LRRC69: variants seen among roughly 807,000 people sequenced by gnomAD.
LRRC69 encodes leucine-rich repeat-containing protein 69.
Under a neutral mutation model 37.8 loss-of-function variants are expected in LRRC69, and 42 were observed. The ratio of observed to expected loss-of-function variants is 1.11; its 90% CI spans 0.87 to 1.44. The LOEUF (loss-of-function observed/expected upper bound fraction) is 1.44. LRRC69 is among the 40% of genes most tolerant of loss of function. The pLI is 0.00. For missense variants in LRRC69, 357 were observed against 401.9 expected, an observed-to-expected ratio of 0.89 and a Z score of 0.96; for synonymous variants, 141 against 143.1, an observed-to-expected ratio of 0.99 and a Z score of 0.11.
intron 5 of LRRC69, among the ~76,000 whole-genome samples, chr8:91,155,169 G>C (rs555114842): frequency 1.1e-4 from 16 of 151,422 alleles, no homozygotes; most frequent in South Asian, 1.0e-3. Flanking sequence ...GCTAACAAAG[G>C]ATGTGAAGGA....
chr8:91,201,101 T>G (rs148724190), intron 7 of LRRC69, among the ~76,000 whole-genome samples: 6 of 152,344 alleles, frequency 3.9e-5, no homozygotes, highest in African/African-American at 1.4e-4. Context: ...AACTAAATTC[T>G]TCTCAGAAGA....
At chr8:91,102,657 A>G, upstream of LRRC69, 1 of 1,544,234 alleles carries the variant, frequency 6.5e-7, no homozygotes, top group South Asian at 1.2e-5. Context: ...TTCTTTTCCA[A>G]GATCATGACT....
intron 1 of LRRC69, among the ~76,000 whole-genome samples, chr8:91,114,124 A>T (rs1813463651): frequency 6.6e-6 from 1 of 151,948 alleles, no homozygotes; most frequent in Non-Finnish European, 1.5e-5. Context: ...ATTATTTTAC[A>T]CATGTTAGAA....
chr8:91,163,857 C>T (rs963903899), intron 5 of LRRC69, among the ~76,000 whole-genome samples: 8 of 151,304 alleles, frequency 5.3e-5, no homozygotes, highest in South Asian at 2.1e-4. Context: ...TTATTGGCCA[C>T]ACTTTTCATA....
chr8:91,157,531 G>C, intron 5 of LRRC69: 1 of 1,532,254 alleles, frequency 6.5e-7, no homozygotes. Flanking sequence ...GTTTCCTATA[G>C]TATTTAATGA....
At chr8:91,138,551 AT>A (rs34842999) in intron 5 of LRRC69, among the ~76,000 whole-genome samples, 2,802 of 145,606 alleles carry the variant, frequency 0.019, 43 homozygotes, top group East Asian at 0.074. Flanking sequence ...TCAGAGCAGT[AT>A]TTTTTTTTTT....
At chr8:91,104,153 A>G (rs1813267619) in intron 1 of LRRC69, among the ~76,000 whole-genome samples, 1 of 151,990 alleles carries the variant, frequency 6.6e-6, no homozygotes, top group Non-Finnish European at 1.5e-5. Flanking sequence ...GATTAGGTCT[A>G]CAGGTATCTT....
intron 6 of LRRC69, among the ~76,000 whole-genome samples, chr8:91,193,327 G>A (rs1358154315): frequency 4.2e-5 from 6 of 143,870 alleles, no homozygotes; most frequent in African/African-American, 1.6e-4. Flanking sequence ...ACTTGGCCAT[G>A]CGGGCTCTTT....
intron 6 of LRRC69, among the ~76,000 whole-genome samples, chr8:91,195,260 C>A (rs1809575524): frequency 6.6e-6 from 1 of 151,890 alleles, no homozygotes; most frequent in Non-Finnish European, 1.5e-5. Context: ...AGCTTTACTT[C>A]CAAGTGTGTG....
In LRRC69 at chr8:91,107,987, G is replaced by C. The variant is rs116998479; in HGVS notation, c.183+5143G>C. 3.9e-4 allele frequency among the ~76,000 whole-genome samples: 59 copies of C among 152,096 alleles called. 2 individuals carry two copies. In the East Asian group the frequency reaches 8.5e-3, roughly 22 times the overall value. ...CAAAGTCCTGCCTAACCAAACACAC[G>C]TAGGAACAAAGGTTCCTCACAGGTA... On this transcript the variant is annotated intron_variant, in intron 1 of 7. Coordinates refer to ENST00000448384, the Ensembl canonical transcript of LRRC69.
chr8:91,151,241 C>A (rs1808731533), intron 5 of LRRC69, among the ~76,000 whole-genome samples: 1 of 150,478 alleles, frequency 6.6e-6, no homozygotes, highest in Admixed American at 6.7e-5. Context: ...AAATTTCCCT[C>A]TACACAGTGC....
At chr8:91,206,716 C>T in intron 7 of LRRC69, 2 of 1,289,712 alleles carry the variant, frequency 1.6e-6, no homozygotes, top group African/African-American at 1.5e-5. Context: ...ATACAAGCAA[C>T]AACAGCCAGA....
At chr8:91,199,420 G>A (rs1433046300) in intron 6 of LRRC69, among the ~76,000 whole-genome samples, 3 of 152,064 alleles carry the variant, frequency 2.0e-5, no homozygotes, top group African/African-American at 2.4e-5. Flanking sequence ...CAGCTTTCTC[G>A]GGTGCTTGTT....
chr8:91,107,540 G>A (rs1267621890), intron 1 of LRRC69, among the ~76,000 whole-genome samples: 1 of 151,964 alleles, frequency 6.6e-6, no homozygotes, highest in Non-Finnish European at 1.5e-5. Context: ...TTCATGTTTG[G>A]TGATTAAATT....
intron 7 of LRRC69, among the ~76,000 whole-genome samples, chr8:91,204,614 A>T (rs1376140949): frequency 6.6e-6 from 1 of 152,214 alleles, no homozygotes; most frequent in Non-Finnish European, 1.5e-5. Context: ...GTTCCCAAGG[A>T]TCTCCAGAGC....
intron 5 of LRRC69, among the ~76,000 whole-genome samples, chr8:91,153,388 A>G (rs530550727): frequency 6.6e-6 from 1 of 151,464 alleles, no homozygotes; most frequent in Admixed American, 6.6e-5. Flanking sequence ...AAAACTTTCC[A>G]CCCCCAAACA....
chr8:91,139,140 T>C (rs1011630710), intron 5 of LRRC69: 2 of 152,006 alleles, frequency 1.3e-5, no homozygotes, highest in African/African-American at 4.8e-5. Context: ...TACCTCTTTT[T>C]TCCTTTCTTT....
At chr8:91,184,850 G>A (rs1026160017) in intron 5 of LRRC69, among the ~76,000 whole-genome samples, 9 of 152,192 alleles carry the variant, frequency 5.9e-5, no homozygotes, top group Non-Finnish European at 1.0e-4. Flanking sequence ...GAGAGAAGTG[G>A]AGAAAGAGTG....
intron 5 of LRRC69, among the ~76,000 whole-genome samples, chr8:91,146,345 G>T (rs1485806131): frequency 1.3e-5 from 2 of 151,856 alleles, no homozygotes; most frequent in Non-Finnish European, 2.9e-5. Context: ...GGATCATAAA[G>T]TCAGAGAGCT....
Sources: gnomAD v4.1 joint callset for allele counts (sites outside exome capture counted in the v4.1 genomes callset) on GRCh38, gnomAD v4.1.1 for gene constraint, MANE v1.5 for transcripts, NCBI Gene and HGNC (gene_info 2026-07-23, HGNC 2026-07-21) for gene names.